Variants in EPM2A observed in about 807,000 individuals in gnomAD.
EPM2A encodes the protein EPM2A glucan phosphatase, laforin.
In EPM2A, 21 loss-of-function variants were observed where a neutral mutation model predicts 26.5. The observed-to-expected ratio is 0.79, with a 90% CI of 0.56 to 1.14. The LOEUF (loss-of-function observed/expected upper bound fraction) is 1.14. Among genes scored for constraint, EPM2A ranks in the 50% most tolerant of loss-of-function variants. The pLI, the probability that EPM2A is intolerant of heterozygous loss-of-function variation, is 0.00. For synonymous variants in EPM2A, 217 were observed against 177.6 expected (o/e 1.22, Z -1.76); for missense variants, 458 against 440.8 (o/e 1.04, Z -0.35).
Position 145,495,038 on chromosome 6 carries a change from A to G in EPM2A, c.555+7484T>C, listed in dbSNP as rs573183549. The stretch of plus-strand genomic sequence containing the variant: ...CCAGACCTGAGTTCAGGTCCTGAAT[A>G]TCTTTCTTAATATTCTGTCTTGATA... On this transcript the variant is annotated intron_variant, in intron 4 of 4. Transcript: ENST00000638717. 9.2e-5 allele frequency among the ~76,000 whole-genome samples: 14 copies of G among 152,302 alleles called. No individual in the cohort carries two copies. In the South Asian group the frequency reaches 1.2e-3, roughly 14 times the overall value.
At chr6:145,429,652 T>G (rs1778897445) in intron 4 of EPM2A, among the ~76,000 whole-genome samples, 1 of 152,198 alleles carries the variant, frequency 6.6e-6, no homozygotes, top group Admixed American at 6.5e-5. Flanking sequence ...AATTTAATTT[T>G]TTAAAATGTA....
intron 1 of EPM2A, chr6:145,722,654 C>G: frequency 2.6e-6 from 1 of 386,116 alleles, no homozygotes. Context: ...AGCTGTGTCC[C>G]CCAAAATTCA....
chr6:145,705,567 CAAAG>C lies in EPM2A; in HGVS notation c.302-19275_302-19272del, dbSNP rs1380532831. The C allele has an allele frequency of 8.8e-6, 4 of 456,080 alleles. No homozygotes were observed. The Admixed American group carries it at 9.4e-5, about 11-fold the overall frequency. The allele number at this position is 456,080 out of a possible 1,614,324, so 28.3% of individuals were successfully genotyped here. On this transcript the variant is annotated intron_variant, in intron 1 of 3. Transcript: ENST00000367519. ...GAGACCCTGTCTCAAAACAAACAAA[CAAAG>C]AAAAAGTGCAGGGGTTTGATTATCT...
chr6:145,410,158 G>A (rs992746667), intron 4 of EPM2A, among the ~76,000 whole-genome samples: 1 of 152,122 alleles, frequency 6.6e-6, no homozygotes, highest in South Asian at 2.1e-4. Context: ...AATGAGAGAC[G>A]GTGTTGCAAG....
chr6:145,633,586 C>T (rs944483384), intron 3 of EPM2A: 5 of 152,238 alleles, frequency 3.3e-5, no homozygotes, highest in African/African-American at 1.2e-4. Flanking sequence ...AACAAAGGGG[C>T]CCAGCCTGGC....
intron 2 of EPM2A, among the ~76,000 whole-genome samples, chr6:145,576,953 C>A (rs1224623142): frequency 1.3e-5 from 2 of 151,150 alleles, no homozygotes; most frequent in African/African-American, 4.9e-5. Flanking sequence ...AAGTTGTTAT[C>A]AGTTTAAATT....
intron 2 of EPM2A, among the ~76,000 whole-genome samples, chr6:145,507,642 G>A (rs1779995448): frequency 6.6e-6 from 1 of 152,204 alleles, no homozygotes; most frequent in Non-Finnish European, 1.5e-5. Flanking sequence ...TTTGCAACCT[G>A]GAAGCAGTAG....
intron 4 of EPM2A, among the ~76,000 whole-genome samples, chr6:145,391,917 G>T (rs1009507961): frequency 2.0e-5 from 3 of 151,718 alleles, no homozygotes; most frequent in South Asian, 2.1e-4. Context: ...GGTCTTAGGT[G>T]GGGGGCAGGT....
intron 4 of EPM2A, among the ~76,000 whole-genome samples, chr6:145,403,582 G>A (rs1425318305): frequency 6.6e-6 from 1 of 152,114 alleles, no homozygotes; most frequent in Non-Finnish European, 1.5e-5. Flanking sequence ...CCATGTTGTT[G>A]TAAATGATTA....
At chr6:145,414,555 T>C (rs1429747171) in intron 4 of EPM2A, among the ~76,000 whole-genome samples, 2 of 152,146 alleles carry the variant, frequency 1.3e-5, no homozygotes, top group Middle Eastern at 3.2e-3. Context: ...GAGGATCTAT[T>C]ATACTTTGAA....
intron 4 of EPM2A, among the ~76,000 whole-genome samples, chr6:145,447,103 T>G (rs141610666): frequency 6.6e-5 from 10 of 152,216 alleles, no homozygotes; most frequent in Admixed American, 6.5e-4. Flanking sequence ...AGAACTTAGT[T>G]TTGTTTACTC....
intron 4 of EPM2A, among the ~76,000 whole-genome samples, chr6:145,446,571 T>C (rs998274779): frequency 1.3e-5 from 2 of 152,056 alleles, no homozygotes; most frequent in Non-Finnish European, 2.9e-5. Flanking sequence ...TGGCCATCAA[T>C]TTCTTCTTTG....
At chr6:145,407,852 G>A (rs763771482) in intron 4 of EPM2A, among the ~76,000 whole-genome samples, 11 of 152,162 alleles carry the variant, frequency 7.2e-5, no homozygotes, top group Non-Finnish European at 1.3e-4. Context: ...TTTGACTGAA[G>A]CTTGTTTCTA....
chr6:145,675,744 T>G (rs922278551), intron 2 of EPM2A, among the ~76,000 whole-genome samples: 1 of 152,174 alleles, frequency 6.6e-6, no homozygotes, highest in African/African-American at 2.4e-5. Flanking sequence ...ATCTTAAATA[T>G]ATATGCACCC....
intron 1 of EPM2A, among the ~76,000 whole-genome samples, chr6:145,711,254 T>C (rs1775302987): frequency 2.0e-5 from 3 of 152,146 alleles, no homozygotes; most frequent in Non-Finnish European, 4.4e-5. Context: ...ATCCCAGAAC[T>C]ATTAAATTAA....
intron 1 of EPM2A, among the ~76,000 whole-genome samples, chr6:145,733,998 C>G (rs1172501828): frequency 6.6e-6 from 1 of 152,142 alleles, no homozygotes; most frequent in Non-Finnish European, 1.5e-5. Flanking sequence ...TTGGCGGGAG[C>G]CGACATTAGA....
intron 2 of EPM2A, among the ~76,000 whole-genome samples, chr6:145,617,554 C>A (rs1329344994): frequency 6.6e-6 from 1 of 152,164 alleles, no homozygotes; most frequent in African/African-American, 2.4e-5. Flanking sequence ...ACTGATAGTA[C>A]TTTCATTGAA....
chr6:145,735,658 G>A (rs1776838507), upstream of EPM2A: 2 of 1,085,250 alleles, frequency 1.8e-6, no homozygotes, highest in African/African-American at 3.4e-5. Flanking sequence ...TGCATCACGC[G>A]GCTCCCGAGC....
chr6:145,582,844 C>T (rs1012343252), intron 2 of EPM2A, among the ~76,000 whole-genome samples: 1 of 152,152 alleles, frequency 6.6e-6, no homozygotes, highest in African/African-American at 2.4e-5. Flanking sequence ...AGAAGTTTTG[C>T]TACTTCTTTT....
Sources: allele counts gnomAD v4.1 joint callset (sites outside exome capture counted in the v4.1 genomes callset), GRCh38; gene constraint gnomAD v4.1.1; transcripts MANE v1.5; gene names NCBI Gene and HGNC (gene_info 2026-07-23, HGNC 2026-07-21).